PHIP: variants seen among roughly 807,000 people sequenced by gnomAD.
The protein encoded by PHIP is PH-interacting protein.
Under a neutral mutation model 236.8 loss-of-function variants are expected in PHIP, and 54 were observed. The observed-to-expected ratio is 0.23, with a 90% CI of 0.18 to 0.29. The LOEUF (loss-of-function observed/expected upper bound fraction) is 0.29, where lower values mean the gene tolerates loss of function less well. Among genes scored for constraint, PHIP ranks in the 10% least tolerant of loss-of-function variants. The probability of loss-of-function intolerance (pLI) is 1.00; values close to 1 mark genes in which losing one functional copy is unlikely to be tolerated. For synonymous variants in PHIP, 756 were observed against 718.9 expected (o/e 1.05, Z -0.83); for missense variants, 1,370 against 2,190.8 (o/e 0.63, Z 7.48).
chr6:78,964,019 T>G (rs1364674508), intron 29 of PHIP, among the ~76,000 whole-genome samples: 1 of 152,196 alleles, frequency 6.6e-6, no homozygotes, highest in Admixed American at 6.5e-5. Flanking sequence ...TCAGTATCAC[T>G]TATTCATTTA....
At position 79,017,376 on chromosome 6, in the gene PHIP, T is replaced by C; in HGVS notation, c.1106A>G (p.Asp369Gly). Residue 369 changes from aspartate to glycine, a missense_variant, in exon 12 of 40, where the codon GAC becomes GGC. Coordinates refer to ENST00000275034, the MANE Select transcript of PHIP (RefSeq NM_017934.7). ...ACTAGTGTTGGAAAACTGGATACTG[T>C]CAACTTTGTCCTATATATAAACAAA... is the stretch of plus-strand genomic sequence containing the variant. ...SELEFHTDKV[D>G]SIQFSNTSNR... 6.4e-7 allele frequency: 1 copy of C among 1,572,464 alleles called. No individual in the cohort carries two copies. Among genetic ancestry groups the C allele is most frequent in the Non-Finnish European group, 8.7e-7 (1 of 1,153,568 alleles).
intron 9 of PHIP, among the ~76,000 whole-genome samples, chr6:79,022,457 C>A (rs1382596408): frequency 6.6e-6 from 1 of 152,136 alleles, no homozygotes; most frequent in African/African-American, 2.4e-5. Context: ...CCAGTACCAC[C>A]TGCTAACAAT....
At chr6:79,047,214 T>C (rs949305284) in intron 6 of PHIP, among the ~76,000 whole-genome samples, 4 of 152,144 alleles carry the variant, frequency 2.6e-5, no homozygotes, top group African/African-American at 9.6e-5. Context: ...TTAGTAGAGA[T>C]CAACAAAAGG....
At chr6:78,971,354 ATT>A (rs1767535641) in intron 24 of PHIP, among the ~76,000 whole-genome samples, 1 of 152,236 alleles carries the variant, frequency 6.6e-6, no homozygotes, top group African/African-American at 2.4e-5. Context: ...TGAAGATCAA[ATT>A]TAAGTGACTC....
In PHIP at chr6:78,941,233, T is replaced by C. The variant is rs766102589; in HGVS notation, c.4926A>G (p.Lys1642=). The C allele has an allele frequency of 3.1e-6, 5 of 1,613,844 alleles. No homozygotes were observed. In the Admixed American group the frequency reaches 8.3e-5, roughly 27 times the overall value. ...TATTGGTATTAACTTCTACTTTAGG[T>C]TTCCTTCCAGGTCCCCTCTTCACAA... is the stretch of plus-strand genomic sequence containing the variant. ...SKLVKRGPGR[K]PKVEVNTNSG... The change falls in exon 40 of 40, where the codon AAA becomes AAG. Residue 1642 remains lysine, a synonymous_variant. Coordinates refer to ENST00000275034, the MANE Select transcript of PHIP (RefSeq NM_017934.7).
At chr6:78,950,764 C>T (rs1485099451) in intron 35 of PHIP, among the ~76,000 whole-genome samples, 1 of 152,040 alleles carries the variant, frequency 6.6e-6, no homozygotes, top group Non-Finnish European at 1.5e-5. Context: ...AGAGGCTTGT[C>T]AATTCTGTTG....
intron 35 of PHIP, among the ~76,000 whole-genome samples, chr6:78,950,434 A>C (rs1774079665): frequency 6.6e-6 from 1 of 152,092 alleles, no homozygotes; most frequent in African/African-American, 2.4e-5. Context: ...TTAATTCTTT[A>C]AATGTTTGGT....
At position 78,988,243 on chromosome 6, in the gene PHIP, G is replaced by A. The variant is rs749075921; in HGVS notation, c.2426C>T (p.Ser809Leu). ...ACTACTGCCATTTTCTATCTCTTCT[G>A]AGGGTCTAGGAGTCTCTTCCAATGC... ...RSALEETPRPSEEIENGSSSS... is the reference protein window; with the variant it reads ...RSALEETPRPLEEIENGSSSS... Residue 809 changes from serine to leucine, a missense_variant, in exon 21 of 40, where the codon TCA (serine) becomes TTA (leucine). By Grantham distance (145) the Ser-to-Leu change is moderately radical. Transcript: ENST00000275034. The A allele has an allele frequency of 2.5e-6, 4 of 1,598,746 alleles. No individual in the cohort carries two copies. The highest frequency in any genetic ancestry group is 2.6e-6 in the Non-Finnish European group (3 of 1,172,274).
At chr6:79,046,652 G>A (rs760617922) in intron 6 of PHIP, among the ~76,000 whole-genome samples, 4 of 152,024 alleles carry the variant, frequency 2.6e-5, no homozygotes, top group Non-Finnish European at 4.4e-5. Context: ...TGAGGTGGGT[G>A]GATTACTTGA....
intron 35 of PHIP, among the ~76,000 whole-genome samples, chr6:78,954,205 C>T (rs1045509190): frequency 6.6e-6 from 1 of 151,940 alleles, no homozygotes; most frequent in Admixed American, 6.5e-5. Context: ...GGGTTCACGC[C>T]ATTCTCCTGC....
At chr6:78,965,616 T>G (rs1767076968) in intron 29 of PHIP, 87 bp downstream of exon 29, 1 of 755,820 alleles carries the variant, frequency 1.3e-6, no homozygotes, top group African/African-American at 1.8e-5. Flanking sequence ...CTCACAACTG[T>G]AAGTGGTAGC....
chr6:78,961,496 G>A (rs1766775323), intron 31 of PHIP, among the ~76,000 whole-genome samples, 194 bp downstream of exon 31: 1 of 151,938 alleles, frequency 6.6e-6, no homozygotes, highest in Non-Finnish European at 1.5e-5. Context: ...CGACATTACT[G>A]GGACTTGTTA....
intron 9 of PHIP, among the ~76,000 whole-genome samples, chr6:79,024,799 C>T (rs190941642): frequency 2.2e-4 from 33 of 151,700 alleles, no homozygotes; most frequent in African/African-American, 5.8e-4. Context: ...AGTGAGACTC[C>T]GTCTCAAAAA....
intron 16 of PHIP, 23 bp downstream of exon 16, chr6:79,003,707 G>A: frequency 1.3e-6 from 2 of 1,562,434 alleles, no homozygotes; most frequent in Non-Finnish European, 8.7e-7. Flanking sequence ...ATAAGGACAT[G>A]ATATATAGTC....
chr6:79,036,099 T>C (rs1422343537), intron 7 of PHIP, among the ~76,000 whole-genome samples: 1 of 152,216 alleles, frequency 6.6e-6, no homozygotes, highest in African/African-American at 2.4e-5. Flanking sequence ...AGGCTAAGCA[T>C]TATCAGCAAT....
intron 34 of PHIP, 31 bp downstream of exon 34, chr6:78,955,201 A>G (rs1156929011): frequency 2.7e-6 from 4 of 1,479,268 alleles, no homozygotes; most frequent in African/African-American, 2.8e-5. Flanking sequence ...ATTCATATAA[A>G]GTACTTCTGC....
chr6:79,025,985 C>T lies in PHIP; in HGVS notation c.780G>A (p.Leu260=), dbSNP rs1375344672. 29 of 1,613,716 alleles carry T rather than the reference C, an allele frequency of 1.8e-5. No homozygotes were observed. The highest frequency in any genetic ancestry group is 3.3e-5 in the Admixed American group (2 of 59,964). ...RVWCLRTCAP[L]AVLQGHSASI... ...ATGCACTATGGCCCTGAAGAACAGC[C>T]AAAGGTGCACAGGTTCGAAGACACC... Residue 260 remains leucine, a synonymous_variant, in exon 8 of 40, where the codon TTG becomes TTA. Transcript: ENST00000275034.
chr6:79,014,718 G>A (rs1230800042), intron 15 of PHIP, among the ~76,000 whole-genome samples: 1 of 151,694 alleles, frequency 6.6e-6, no homozygotes, highest in Non-Finnish European at 1.5e-5. Context: ...TATTGTGCTA[G>A]AAGACTATTA....
At chr6:79,046,385 A>G (rs1772486775) in intron 6 of PHIP, among the ~76,000 whole-genome samples, 2 of 152,124 alleles carry the variant, frequency 1.3e-5, no homozygotes, top group African/African-American at 2.4e-5. Context: ...ATCCCCTTTT[A>G]TTCAGCTTTA....
Sources: gnomAD v4.1 joint callset for allele counts (sites outside exome capture counted in the v4.1 genomes callset) on GRCh38, gnomAD v4.1.1 for gene constraint, MANE v1.5 for transcripts, NCBI Gene and HGNC (gene_info 2026-07-23, HGNC 2026-07-21) for gene names.